The following KIAA1217 variants were observed in gnomAD, a reference collection of about 807,000 sequenced individuals.
The protein encoded by KIAA1217 is sickle tail protein homolog.
KIAA1217 carries 88 observed loss-of-function variants against 163.9 expected under a neutral mutation model. That is an observed-to-expected ratio of 0.54 (90% confidence interval 0.45 to 0.64). The LOEUF is 0.64. Among genes scored for constraint, KIAA1217 ranks in the 30% least tolerant of loss-of-function variants. KIAA1217 has a pLI of 0.00. For synonymous variants in KIAA1217, 903 were observed against 923.1 expected (o/e 0.98, Z 0.39); for missense variants, 2,372 against 2,475.0 (o/e 0.96, Z 0.88).
chr10:23,778,048 TCTC>T (rs373036929), intron 1 of KIAA1217, among the ~76,000 whole-genome samples: 137 of 152,292 alleles, frequency 9.0e-4, no homozygotes, highest in African/African-American at 3.2e-3. Context: ...TTCAAGTGAT[TCTC>T]CTGACTCAGC....
chr10:23,863,709 A>G (rs1840058254), intron 1 of KIAA1217, among the ~76,000 whole-genome samples: 1 of 152,186 alleles, frequency 6.6e-6, no homozygotes, highest in African/African-American at 2.4e-5. Context: ...GGTACTATCT[A>G]AACCAGAAAC....
At chr10:23,870,937 A>C (rs2131161434) in intron 1 of KIAA1217, among the ~76,000 whole-genome samples, 1 of 152,244 alleles carries the variant, frequency 6.6e-6, no homozygotes, top group South Asian at 2.1e-4. Context: ...TATGTGACTA[A>C]GGTCACATGG....
At chr10:24,302,353 G>A (rs2041466752) in intron 2 of KIAA1217, among the ~76,000 whole-genome samples, 1 of 152,154 alleles carries the variant, frequency 6.6e-6, no homozygotes. Context: ...TCAGAACTCT[G>A]AATGCACATT....
intron 1 of KIAA1217, among the ~76,000 whole-genome samples, chr10:23,775,553 C>A (rs569621757): frequency 6.6e-6 from 1 of 152,094 alleles, no homozygotes; most frequent in South Asian, 2.1e-4. Context: ...CTCCTCCGTC[C>A]CCAAGTCACA....
rs558676049 is a variant in KIAA1217 at position 24,141,819 on chromosome 10, G to A, written c.-170-77807G>A. Among the ~76,000 whole-genome samples the A allele has an allele frequency of 5.9e-5, 9 of 152,110 alleles. No individual in the cohort carries two copies. In the South Asian group the frequency reaches 1.7e-3, roughly 28 times the overall value. ...ATATGTGAACACCTGCTGGCACCTTGATCTTGGACTTCCCAACCTCCAGAA... is the reference window on the plus strand; with the variant it reads ...ATATGTGAACACCTGCTGGCACCTTAATCTTGGACTTCCCAACCTCCAGAA... On this transcript the variant is annotated intron_variant, in intron 2 of 18. Coordinates refer to the KIAA1217 transcript ENST00000376462.
chr10:24,446,985 C>T (rs751187449), intron 5 of KIAA1217, among the ~76,000 whole-genome samples: 2 of 152,096 alleles, frequency 1.3e-5, no homozygotes, highest in Non-Finnish European at 2.9e-5. Context: ...GATGAGTCAT[C>T]GCCACATGTC....
intron 2 of KIAA1217, among the ~76,000 whole-genome samples, chr10:24,032,959 T>C (rs940044062): frequency 2.0e-5 from 3 of 152,216 alleles, no homozygotes; most frequent in Non-Finnish European, 4.4e-5. Flanking sequence ...AACCTGGCTG[T>C]CTAACACATT....
At chr10:24,293,597 G>T (rs1291103297) in intron 2 of KIAA1217, among the ~76,000 whole-genome samples, 2 of 152,214 alleles carry the variant, frequency 1.3e-5, no homozygotes, top group Non-Finnish European at 2.9e-5. Context: ...AGCTTAAAAG[G>T]TTTCATTGTT....
intron 2 of KIAA1217, among the ~76,000 whole-genome samples, chr10:24,311,364 C>T (rs890431815): frequency 2.6e-5 from 4 of 152,144 alleles, no homozygotes; most frequent in Admixed American, 6.5e-5. Flanking sequence ...AACGGGTCCT[C>T]GCTGGGCTTG....
chr10:23,837,392 G>T (rs2131056752), intron 1 of KIAA1217, among the ~76,000 whole-genome samples: 1 of 152,244 alleles, frequency 6.6e-6, no homozygotes, highest in Middle Eastern at 3.4e-3. Context: ...CAGAGAAATG[G>T]TTCATTCAAG....
In KIAA1217 at chr10:24,471,558, T is replaced by C. The variant is rs560266016; in HGVS notation, c.847-1670T>C. ...CATTGAACAAGGTGGGAGTTAGGGATGCTAAGTCCCCCACACACAGTAAAA... is the reference window on the plus strand; with the variant it reads ...CATTGAACAAGGTGGGAGTTAGGGACGCTAAGTCCCCCACACACAGTAAAA... On this transcript the variant is annotated intron_variant, in intron 5 of 20. Coordinates refer to ENST00000376454, the MANE Select transcript of KIAA1217 (RefSeq NM_019590.5). 5.3e-5 allele frequency among the ~76,000 whole-genome samples: 8 copies of C among 151,818 alleles called. No homozygotes were observed. In the South Asian group the frequency reaches 8.3e-4, roughly 16 times the overall value.
chr10:23,751,323 T>C (rs1839727067), intron 1 of KIAA1217, among the ~76,000 whole-genome samples: 1 of 152,180 alleles, frequency 6.6e-6, no homozygotes, highest in Admixed American at 6.5e-5. Flanking sequence ...CCACCGTGCC[T>C]GGCGAGAATT....
intron 2 of KIAA1217, among the ~76,000 whole-genome samples, chr10:24,322,090 A>C (rs1031866368): frequency 3.9e-5 from 6 of 152,058 alleles, no homozygotes; most frequent in African/African-American, 9.7e-5. Flanking sequence ...CTGGGATCAC[A>C]GGTGCATGCT....
intron 1 of KIAA1217, among the ~76,000 whole-genome samples, chr10:23,839,691 C>G (rs969668721): frequency 4.6e-5 from 7 of 152,176 alleles, no homozygotes; most frequent in African/African-American, 1.7e-4. Context: ...CAGATCATCC[C>G]TTTCCAGAAG....
At chr10:24,122,865 C>G (rs1253814279) in intron 2 of KIAA1217, among the ~76,000 whole-genome samples, 2 of 151,498 alleles carry the variant, frequency 1.3e-5, no homozygotes, top group Non-Finnish European at 2.9e-5. Context: ...GATTTCATTG[C>G]TCTTTTGACT....
At chr10:24,227,373 G>T (rs916914748) in intron 2 of KIAA1217, among the ~76,000 whole-genome samples, 2 of 151,764 alleles carry the variant, frequency 1.3e-5, no homozygotes, top group Non-Finnish European at 2.9e-5. Flanking sequence ...TGGCCAGGCT[G>T]ATCTCAAACT....
chr10:23,881,941 A>G (rs1359924169), intron 1 of KIAA1217, among the ~76,000 whole-genome samples: 1 of 151,936 alleles, frequency 6.6e-6, no homozygotes, highest in African/African-American at 2.4e-5. Flanking sequence ...AGCCATCAAA[A>G]TCATATCACA....
intron 1 of KIAA1217, among the ~76,000 whole-genome samples, chr10:23,916,109 G>C (rs146400669): frequency 6.6e-6 from 1 of 152,188 alleles, no homozygotes; most frequent in East Asian, 1.9e-4. Flanking sequence ...CCACAGTCCA[G>C]GTTAATACTG....
At chr10:24,207,990 T>C (rs1231883017), upstream of KIAA1217, among the ~76,000 whole-genome samples, 1 of 151,606 alleles carries the variant, frequency 6.6e-6, no homozygotes, top group East Asian at 1.9e-4. Flanking sequence ...GACTAACCAT[T>C]GTCCTTTTTT....
Sources: gnomAD v4.1 joint callset for allele counts (sites outside exome capture counted in the v4.1 genomes callset) on GRCh38, gnomAD v4.1.1 for gene constraint, MANE v1.5 for transcripts, NCBI Gene and HGNC (gene_info 2026-07-23, HGNC 2026-07-21) for gene names.